The following DNAJC5B variants were observed in gnomAD, a reference collection of about 807,000 sequenced individuals.
The protein encoded by DNAJC5B is DnaJ heat shock protein family (Hsp40) member C5 beta.
In DNAJC5B, 23 loss-of-function variants were observed where a neutral mutation model predicts 24.7. The observed-to-expected ratio is 0.93, with a 90% CI of 0.67 to 1.32. The LOEUF is 1.32. Ranked by LOEUF, DNAJC5B falls within the 40% of genes most tolerant of loss-of-function variation. The pLI is 0.00. For synonymous variants in DNAJC5B, 101 were observed against 90.1 expected (o/e 1.12, Z -0.68); for missense variants, 238 against 240.8 (o/e 0.99, Z 0.08).
chr8:66,053,256 C>A (rs1005853579), intron 3 of DNAJC5B, among the ~76,000 whole-genome samples: 2 of 152,128 alleles, frequency 1.3e-5, no homozygotes, highest in Non-Finnish European at 2.9e-5. Flanking sequence ...AAGACTCAGG[C>A]TCTTTCTTAC....
chr8:66,061,934 G>A (rs1384257168), intron 3 of DNAJC5B, among the ~76,000 whole-genome samples: 1 of 151,916 alleles, frequency 6.6e-6, no homozygotes, highest in Admixed American at 6.6e-5. Context: ...GCATTCAGGT[G>A]GCTTCGGGGA....
chr8:66,050,801 AT>A (rs911586413), intron 2 of DNAJC5B, among the ~76,000 whole-genome samples: 3 of 152,198 alleles, frequency 2.0e-5, no homozygotes, highest in African/African-American at 7.2e-5. Flanking sequence ...CAGTCCTAGG[AT>A]TTGAATTATT....
intron 2 of DNAJC5B, among the ~76,000 whole-genome samples, chr8:66,051,200 A>T (rs1806837176): frequency 6.6e-6 from 1 of 152,212 alleles, no homozygotes; most frequent in Non-Finnish European, 1.5e-5. Context: ...TTCCAGAAAA[A>T]AATGAAAGAC....
chr8:66,046,113 C>T (rs1806717651), intron 2 of DNAJC5B, among the ~76,000 whole-genome samples: 1 of 152,144 alleles, frequency 6.6e-6, no homozygotes. Flanking sequence ...CCTGGAAATC[C>T]TCAGGAGGTT....
At chr8:66,066,125 A>G (rs1238668417) in intron 3 of DNAJC5B, among the ~76,000 whole-genome samples, 1 of 152,244 alleles carries the variant, frequency 6.6e-6, no homozygotes, top group African/African-American at 2.4e-5. Context: ...AACATATTTA[A>G]AAATGCTCAA....
chr8:66,065,432 G>A (rs2128961943), intron 3 of DNAJC5B, among the ~76,000 whole-genome samples: 1 of 152,300 alleles, frequency 6.6e-6, no homozygotes, highest in African/African-American at 2.4e-5. Flanking sequence ...ACACAGCAGG[G>A]GTAGCACTGG....
chr8:66,089,655 A>G (rs1023211821), intron 5 of DNAJC5B, among the ~76,000 whole-genome samples: 1 of 152,200 alleles, frequency 6.6e-6, no homozygotes, highest in Middle Eastern at 3.2e-3. Context: ...AAATTGTATC[A>G]ATCTTTGTTC....
At chr8:66,023,567 C>T (rs544730025) in intron 1 of DNAJC5B, among the ~76,000 whole-genome samples, 9 of 152,188 alleles carry the variant, frequency 5.9e-5, no homozygotes, top group East Asian at 1.9e-4. Flanking sequence ...AATAAATATA[C>T]GGTCTTCCTG....
chr8:66,049,854 T>C (rs1281376486), intron 2 of DNAJC5B, among the ~76,000 whole-genome samples: 2 of 152,240 alleles, frequency 1.3e-5, no homozygotes, highest in Non-Finnish European at 2.9e-5. Flanking sequence ...CTTGTTAAAA[T>C]TGATTTTACA....
At chr8:66,070,713 A>T (rs1807327324) in intron 3 of DNAJC5B, among the ~76,000 whole-genome samples, 1 of 152,228 alleles carries the variant, frequency 6.6e-6, no homozygotes, top group South Asian at 2.1e-4. Flanking sequence ...TAAACTTCAT[A>T]TGGAACCAAA....
chr8:66,031,672 C>T (rs1301199233), intron 1 of DNAJC5B, among the ~76,000 whole-genome samples: 1 of 152,056 alleles, frequency 6.6e-6, no homozygotes, highest in Non-Finnish European at 1.5e-5. Flanking sequence ...AGTCTGGAGG[C>T]AGAAAAAAAC....
intron 3 of DNAJC5B, among the ~76,000 whole-genome samples, chr8:66,056,236 CT>C (rs1806960028): frequency 6.6e-6 from 1 of 152,156 alleles, no homozygotes; most frequent in African/African-American, 2.4e-5. Flanking sequence ...TAGTCTCATT[CT>C]TCCTCCAGAT....
intron 5 of DNAJC5B, among the ~76,000 whole-genome samples, chr8:66,093,276 C>T (rs1054205323): frequency 6.6e-6 from 1 of 152,112 alleles, no homozygotes; most frequent in African/African-American, 2.4e-5. Flanking sequence ...ATTACTTAGT[C>T]AAAGGATATG....
At position 66,083,492 on chromosome 8, in the gene DNAJC5B, A is replaced by G. The variant is rs112099141; in HGVS notation, c.505+2944A>G. 1.3e-3 allele frequency among the ~76,000 whole-genome samples: 202 copies of G among 152,262 alleles called. 1 individual carries two copies. The highest frequency in any genetic ancestry group is 4.6e-3 in the African/African-American group (190 of 41,570). The stretch of plus-strand genomic sequence containing the variant: ...ATTCAGGAAAACACCTATTTAGTTT[A>G]TTTCATATAGAAGATATAAGATTTG... On this transcript the variant is annotated intron_variant, in intron 5 of 5. Transcript: ENST00000276570.
intron 1 of DNAJC5B, among the ~76,000 whole-genome samples, chr8:66,040,899 G>C (rs1806593645): frequency 6.6e-6 from 1 of 152,062 alleles, no homozygotes. Flanking sequence ...CTTTAAAAGG[G>C]ACTTTTTTTT....
chr8:66,028,958 C>T (rs1001220024), intron 1 of DNAJC5B, among the ~76,000 whole-genome samples: 2 of 152,210 alleles, frequency 1.3e-5, no homozygotes, highest in African/African-American at 2.4e-5. Flanking sequence ...CTTGGCTACC[C>T]ATTTATCCAT....
chr8:66,024,475 T>C (rs1347703952), intron 1 of DNAJC5B, among the ~76,000 whole-genome samples: 1 of 137,592 alleles, frequency 7.3e-6, no homozygotes, highest in Non-Finnish European at 1.5e-5. Flanking sequence ...GTGCACATTG[T>C]GCAGGTTAGT....
At chr8:66,059,470 G>C (rs774316113) in intron 3 of DNAJC5B, among the ~76,000 whole-genome samples, 14 of 152,220 alleles carry the variant, frequency 9.2e-5, no homozygotes, top group Non-Finnish European at 1.5e-4. Flanking sequence ...GAGTTAGAAA[G>C]CTAGTGTAGG....
intron 1 of DNAJC5B, among the ~76,000 whole-genome samples, chr8:66,023,019 T>C (rs4737763): frequency 0.99 from 151,118 of 152,358 alleles, 74,953 homozygotes; most frequent in East Asian, 1. Flanking sequence ...CGTTCCCTGA[T>C]CCTTGTGTTA....
Sources: allele counts gnomAD v4.1 joint callset (sites outside exome capture counted in the v4.1 genomes callset), GRCh38; gene constraint gnomAD v4.1.1; transcripts MANE v1.5; gene names NCBI Gene and HGNC (gene_info 2026-07-23, HGNC 2026-07-21).